DMBT1: variants seen among roughly 807,000 people sequenced by gnomAD.
DMBT1 encodes deleted in malignant brain tumors 1, also known as scavenger receptor cysteine-rich domain-containing protein DMBT1.
A neutral mutation model predicts 252.9 loss-of-function variants in DMBT1; 198 were observed. The ratio of observed to expected loss-of-function variants is 0.78; its 90% confidence interval spans 0.70 to 0.88. The LOEUF is 0.88. Among genes scored for constraint, DMBT1 ranks in the 40% least tolerant of loss-of-function variants. DMBT1 has a pLI of 0.00. For missense variants in DMBT1, 2,432 were observed against 2,404.7 expected (o/e 1.01, Z -0.24); for synonymous variants, 990 against 942.7 (o/e 1.05, Z -0.92).
At chr10:122,580,490 A>G (rs1043139356) in intron 10 of DMBT1, among the ~76,000 whole-genome samples, 6 of 152,244 alleles carry the variant, frequency 3.9e-5, no homozygotes, top group Non-Finnish European at 5.9e-5. Flanking sequence ...CCATGAGGCC[A>G]GCCAGACATG....
chr10:122,630,088 C>T (rs1002151714), intron 47 of DMBT1, 95 bp downstream of exon 47: 1 of 1,535,850 alleles, frequency 6.5e-7, no homozygotes, highest in Non-Finnish European at 8.9e-7. Context: ...TTTTCACTCT[C>T]ATGTGCCATG....
chr10:122,619,200 C>G (rs2098036117), intron 41 of DMBT1, 108 bp from the exon 42 acceptor site: 1 of 1,400,234 alleles, frequency 7.1e-7, no homozygotes, highest in East Asian at 2.3e-5. Flanking sequence ...GTGATAGGGA[C>G]TAGGATGGAC....
At chr10:122,620,219 T>G in intron 42 of DMBT1, 34 bp from the exon 43 acceptor site, 3 of 1,612,284 alleles carry the variant, frequency 1.9e-6, no homozygotes, top group Non-Finnish European at 1.7e-6. Flanking sequence ...CCCTCAAGTC[T>G]AATTTTGTCC....
chr10:122,640,552 C>G (rs993446480), intron 55 of DMBT1, 103 bp downstream of exon 55: 1 of 1,229,264 alleles, frequency 8.1e-7, no homozygotes, highest in African/African-American at 1.5e-5. Context: ...AACTGCAGTT[C>G]CCAGTACTTC....
intron 54 of DMBT1, among the ~76,000 whole-genome samples, chr10:122,638,116 C>A (rs767940775): frequency 1.3e-5 from 2 of 152,202 alleles, no homozygotes; most frequent in Non-Finnish European, 2.9e-5. Context: ...GTGGCAGATG[C>A]TGTGATTGGT....
At position 122,598,721 on chromosome 10, in the gene DMBT1, G is replaced by C. The variant is rs538565887; in HGVS notation, c.2957-53G>C. The C allele has an allele frequency of 5.5e-5, 88 of 1,611,500 alleles. No homozygotes were observed. The South Asian group carries it at 6.3e-4, about 11-fold the overall frequency. On this transcript the variant is annotated intron_variant, in intron 25 of 55. Coordinates refer to ENST00000338354, the MANE Select transcript of DMBT1 (RefSeq NM_001377530.1). ...TGCCTTGAGTGTGGAACATTCCTTA[G>C]ATTCCTGACCTCATGATAGGGATGG... is the stretch of plus-strand genomic sequence containing the variant.
chr10:122,630,049 G>T lies in DMBT1; in HGVS notation c.5822+56G>T, dbSNP rs1348593262. Reference sequence around the variant, plus strand: ...TGAGTTCCTCTGCAGCACACCCACTGGTTTAGACTGTGTCCTGGGCTGGGA... The same window carrying T: ...TGAGTTCCTCTGCAGCACACCCACTTGTTTAGACTGTGTCCTGGGCTGGGA... On this transcript the variant is annotated intron_variant, in intron 47 of 55. Transcript: ENST00000338354. 16 of 1,602,280 alleles carry T rather than the reference G, an allele frequency of 1.0e-5. No homozygotes were observed. In the South Asian group the frequency reaches 1.5e-4, roughly 15 times the overall value.
chr10:122,566,179 C>T (rs1035067383), intron 2 of DMBT1, among the ~76,000 whole-genome samples, 183 bp downstream of exon 2: 2 of 152,236 alleles, frequency 1.3e-5, no homozygotes, highest in Non-Finnish European at 2.9e-5. Flanking sequence ...CAAGTGCACA[C>T]TCGGCCAATC....
At chr10:122,561,315 G>A (rs771359513) in intron 1 of DMBT1, among the ~76,000 whole-genome samples, 1 of 152,174 alleles carries the variant, frequency 6.6e-6, no homozygotes, top group Non-Finnish European at 1.5e-5. Context: ...AAGTAATTGA[G>A]CGCAGACAAG....
In DMBT1 at chr10:122,618,096, C is replaced by T. The variant is rs1271011171; in HGVS notation, c.4971C>T (p.Gly1657=). The change falls in exon 41 of 56, where the codon GGC becomes GGT. Residue 1657 remains glycine (G), a synonymous_variant. Transcript: ENST00000338354. ...GCCGAGTGGAGGTCCTATACCAAGGCTCCTGGGGCACCGTGTGTGATGACT... is the reference window on the plus strand; with the variant it reads ...GCCGAGTGGAGGTCCTATACCAAGGTTCCTGGGGCACCGTGTGTGATGACT... The part of the protein sequence containing the change: ...CRGRVEVLYQ[G]SWGTVCDDYW... The T allele has an allele frequency of 2.5e-6, 4 of 1,613,886 alleles. No individual in the cohort carries two copies. The Admixed American group carries it at 6.7e-5, about 27-fold the overall frequency.
intron 7 of DMBT1, among the ~76,000 whole-genome samples, chr10:122,577,570 C>G (rs904652826): frequency 3.3e-5 from 5 of 152,212 alleles, no homozygotes; most frequent in Middle Eastern, 3.4e-3. Flanking sequence ...GTGGCCGGTC[C>G]CAGGCACCGA....
intron 49 of DMBT1, 31 bp from the exon 50 acceptor site, chr10:122,631,824 G>T: frequency 6.2e-7 from 1 of 1,613,522 alleles, no homozygotes; most frequent in Non-Finnish European, 8.5e-7. Flanking sequence ...ACATGTCTGT[G>T]ACCTATGCTT....
At position 122,592,461 on chromosome 10, in the gene DMBT1, G is replaced by A. The variant is rs1337590871; in HGVS notation, c.2366G>A (p.Gly789Asp). Reference protein sequence around the residue: ...ATSAPGNARFGQGSGPIVLDD... With the variant: ...ATSAPGNARFDQGSGPIVLDD... ...TCGGCCCCAGGAAATGCCCGGTTTGGCCAGGGCTCAGGACCCATTGTTCTG... is the reference window on the plus strand; with the variant it reads ...TCGGCCCCAGGAAATGCCCGGTTTGACCAGGGCTCAGGACCCATTGTTCTG... Residue 789 changes from glycine to aspartate, a missense_variant, in exon 20 of 56, where the codon GGC becomes GAC. This residue lies in a region of DMBT1 where 1,264 missense variants were observed against 1,082.2 expected (regional missense o/e 1.17). Transcript: ENST00000338354. 6.3e-7 allele frequency: 1 copy of A among 1,588,162 alleles called. No homozygotes were observed. Among genetic ancestry groups the A allele is most frequent in the Non-Finnish European group, 8.6e-7 (1 of 1,165,672 alleles).
chr10:122,571,290 TCTCAGCCC>T (rs1240719766), intron 4 of DMBT1, among the ~76,000 whole-genome samples: 2 of 152,174 alleles, frequency 1.3e-5, no homozygotes, highest in Admixed American at 6.5e-5. Context: ...CAGGCTTCAG[TCTCAGCCC>T]CTCAGAATCT....
At chr10:122,562,577 A>T (rs1162876966) in intron 1 of DMBT1, among the ~76,000 whole-genome samples, 1 of 152,200 alleles carries the variant, frequency 6.6e-6, no homozygotes, top group Non-Finnish European at 1.5e-5. Context: ...CACCCTCCAG[A>T]TTGTCTCTGA....
chr10:122,628,864 G>T (rs2098137330), intron 46 of DMBT1, among the ~76,000 whole-genome samples: 1 of 152,064 alleles, frequency 6.6e-6, no homozygotes, highest in South Asian at 2.1e-4. Flanking sequence ...TGAGTACAGG[G>T]TTTCTTTTTG....
chr10:122,625,379 A>T (rs2098111286), intron 45 of DMBT1, 76 bp downstream of exon 45: 1 of 1,432,314 alleles, frequency 7.0e-7, no homozygotes, highest in Non-Finnish European at 9.7e-7. Context: ...AAGTAGGAGG[A>T]GTAGGGTAGA....
At chr10:122,642,960 CT>C (rs1156771754) in intron 55 of DMBT1, among the ~76,000 whole-genome samples, 161 bp from the exon 56 acceptor site, 2 of 152,014 alleles carry the variant, frequency 1.3e-5, no homozygotes, top group African/African-American at 4.8e-5. Flanking sequence ...CTGCAGGCCC[CT>C]CAGTGAGTGT....
chr10:122,570,638 G>T (rs2981789), intron 3 of DMBT1, among the ~76,000 whole-genome samples: 104,384 of 151,914 alleles, frequency 0.69, 36,066 homozygotes, highest in East Asian at 0.77. Context: ...TGTGTGACTT[G>T]TTGAATAGAG....
Sources: allele counts gnomAD v4.1 joint callset (sites outside exome capture counted in the v4.1 genomes callset), GRCh38; gene constraint gnomAD v4.1.1; regional missense constraint gnomAD v4.1.1; transcripts MANE v1.5; gene names NCBI Gene and HGNC (gene_info 2026-07-23, HGNC 2026-07-21).